MARCHF6: variants seen among roughly 807,000 people sequenced by gnomAD.
MARCHF6 encodes the protein membrane associated ring-CH-type finger 6.
MARCHF6 carries 31 observed loss-of-function variants against 133.7 expected under a neutral mutation model. That is an observed-to-expected ratio of 0.23 (90% CI 0.17 to 0.31). The LOEUF (loss-of-function observed/expected upper bound fraction) is 0.31, where lower values mean the gene tolerates loss of function less well. Among genes scored for constraint, MARCHF6 ranks in the 10% least tolerant of loss-of-function variants. The pLI is 1.00. For missense variants in MARCHF6, 723 were observed against 1,121.6 expected, an observed-to-expected ratio of 0.64 and a Z score of 5.08; for synonymous variants, 395 against 402.5, an observed-to-expected ratio of 0.98 and a Z score of 0.22.
rs1740719124 is a variant in MARCHF6 at position 10,438,122 on chromosome 5, G to T, written c.*4438G>T. 6.6e-6 allele frequency: 1 copy of T among 152,108 alleles called. No individual in the cohort carries two copies. The highest frequency in any genetic ancestry group is 6.5e-5 in the Admixed American group (1 of 15,268). The allele number at this position is 152,108 out of a possible 1,614,324, so 9.4% of individuals were successfully genotyped here. On this transcript the variant is annotated 3_prime_UTR_variant, in exon 26 of 26. Coordinates refer to ENST00000274140, the MANE Select transcript of MARCHF6 (RefSeq NM_005885.4). Reference sequence around the variant, plus strand: ...ACATTTTGTGCAATAGCAAGCTACTGCCCACTTCTGCATGTCTGCTACGAG... The same window carrying T: ...ACATTTTGTGCAATAGCAAGCTACTTCCCACTTCTGCATGTCTGCTACGAG...
At chr5:10,364,749 C>T (rs1736031150) in intron 1 of MARCHF6, among the ~76,000 whole-genome samples, 1 of 152,188 alleles carries the variant, frequency 6.6e-6, no homozygotes, top group Admixed American at 6.5e-5. Context: ...CCATTAGCTG[C>T]AACTGCTGGT....
intron 3 of MARCHF6, 98 bp downstream of exon 3, chr5:10,378,930 G>T (rs937287043): frequency 8.6e-6 from 6 of 697,926 alleles, no homozygotes; most frequent in African/African-American, 7.3e-5. Context: ...GGGGATAAAA[G>T]TGCTTAAGCA....
At position 10,437,035 on chromosome 5, in the gene MARCHF6, C is replaced by T. The variant is rs1740680306; in HGVS notation, c.*3351C>T. The stretch of plus-strand genomic sequence containing the variant: ...AAAATGCCACTATTAAAGTGTAATT[C>T]TTGAATTTAGGTTGAATTGATGACT... On this transcript the variant is annotated 3_prime_UTR_variant, in exon 26 of 26. Coordinates refer to ENST00000274140, the MANE Select transcript of MARCHF6 (RefSeq NM_005885.4). 1 of 152,164 alleles carries T rather than the reference C, an allele frequency of 6.6e-6. No individual in the cohort carries two copies. The highest frequency in any genetic ancestry group is 2.4e-5 in the African/African-American group (1 of 41,436). 9.4% of individuals were successfully genotyped at this position (152,164 alleles called of 1,614,324 possible).
At chr5:10,367,770 TA>T (rs1736221069) in intron 1 of MARCHF6, among the ~76,000 whole-genome samples, 1 of 151,908 alleles carries the variant, frequency 6.6e-6, no homozygotes, top group African/African-American at 2.4e-5. Flanking sequence ...AGCTTTTTTT[TA>T]ATTAAAAAAA....
rs977197207 is a variant in MARCHF6, at chr5:10,438,617, A to G, written c.*4933A>G. 1.3e-5 allele frequency: 2 copies of G among 152,322 alleles called. No individual in the cohort carries two copies. The highest frequency in any genetic ancestry group is 1.9e-4 in the East Asian group (1 of 5,182). 9.4% of individuals were successfully genotyped at this position (152,322 alleles called of 1,614,324 possible). On this transcript the variant is annotated 3_prime_UTR_variant, in exon 26 of 26. Transcript: ENST00000274140. ...GAGGGTAACGTTCCCCTCCTCCTCCATGTTTTTATTTTGGTGTCTGTTTTG... is the reference window on the plus strand; with the variant it reads ...GAGGGTAACGTTCCCCTCCTCCTCCGTGTTTTTATTTTGGTGTCTGTTTTG...
intron 4 of MARCHF6, 28 bp from the exon 5 acceptor site, chr5:10,386,966 T>C (rs768547796): frequency 1.9e-6 from 3 of 1,587,928 alleles, no homozygotes; most frequent in Non-Finnish European, 2.6e-6. Context: ...GAGTTGTGAC[T>C]GTGTGCCATC....
At chr5:10,426,996 T>C (rs2031655801) in intron 24 of MARCHF6, among the ~76,000 whole-genome samples, 1 of 152,250 alleles carries the variant, frequency 6.6e-6, no homozygotes, top group Admixed American at 6.5e-5. Flanking sequence ...AAACCCAACA[T>C]ATTTTCAAAA....
chr5:10,363,250 C>G (rs1314190500), intron 1 of MARCHF6, among the ~76,000 whole-genome samples: 4 of 152,088 alleles, frequency 2.6e-5, no homozygotes, highest in Non-Finnish European at 4.4e-5. Context: ...AGAATGAAGA[C>G]AGGATACAGA....
intron 1 of MARCHF6, among the ~76,000 whole-genome samples, chr5:10,357,380 C>G (rs1554017779): frequency 6.9e-6 from 1 of 145,930 alleles, no homozygotes; most frequent in African/African-American, 2.5e-5. Context: ...TTCCATTTTG[C>G]TAAATTACTG....
intron 1 of MARCHF6, among the ~76,000 whole-genome samples, chr5:10,377,342 A>G (rs1182656530): frequency 6.6e-6 from 1 of 152,114 alleles, no homozygotes; most frequent in East Asian, 1.9e-4. Context: ...GGTGACATGA[A>G]AAGCTTGTCT....
chr5:10,436,782 C>A lies in MARCHF6; in HGVS notation c.*3098C>A, dbSNP rs1266307845. Reference sequence around the variant, plus strand: ...GTGTATAGCTAGCCTTAAAAAACTTCCCATGTTTTTAGGTGACTTTTTTCC... The same window carrying A: ...GTGTATAGCTAGCCTTAAAAAACTTACCATGTTTTTAGGTGACTTTTTTCC... On this transcript the variant is annotated 3_prime_UTR_variant, in exon 26 of 26. Transcript: ENST00000274140. 1.3e-5 allele frequency: 2 copies of A among 152,120 alleles called. No individual in the cohort carries two copies. Among genetic ancestry groups the A allele is most frequent in the Non-Finnish European group, 1.5e-5 (1 of 68,022 alleles). The allele number at this position is 152,120 out of a possible 1,614,324, so 9.4% of individuals were successfully genotyped here. A position where few individuals can be genotyped will look rare whatever the true frequency, so the allele number is the denominator to read the frequency against.
intron 1 of MARCHF6, among the ~76,000 whole-genome samples, chr5:10,376,979 G>C (rs1245747429): frequency 6.6e-6 from 1 of 152,138 alleles, no homozygotes; most frequent in African/African-American, 2.4e-5. Flanking sequence ...AGCTGAGAAC[G>C]GTCTAAAATA....
chr5:10,407,205 A>G lies in MARCHF6; in HGVS notation c.1553+3A>G, dbSNP rs1738953333. ...CCATACAATGTCATGCTCTACAGGT[A>G]AGTTTTAAAAATTTAGAATAGCTTT... is the stretch of plus-strand genomic sequence containing the variant. On this transcript the variant is annotated splice_donor_region_variant and intron_variant, in intron 17 of 25. Transcript: ENST00000274140. 1.3e-6 allele frequency: 2 copies of G among 1,552,912 alleles called. No homozygotes were observed. The highest frequency in any genetic ancestry group is 1.8e-6 in the Non-Finnish European group (2 of 1,131,116).
chr5:10,374,506 T>C (rs1291013862), intron 1 of MARCHF6, among the ~76,000 whole-genome samples: 1 of 152,106 alleles, frequency 6.6e-6, no homozygotes, highest in Non-Finnish European at 1.5e-5. Context: ...GTGGGAATCA[T>C]GGAATGGGAG....
At position 10,354,122 on chromosome 5, in the gene MARCHF6, G is replaced by T. The variant is rs1229806703; in HGVS notation, c.19+205G>T. 1.1e-5 allele frequency: 4 copies of T among 376,810 alleles called. No individual in the cohort carries two copies. The East Asian group carries it at 1.3e-4, about 13-fold the overall frequency. 23.3% of individuals were successfully genotyped at this position (376,810 alleles called of 1,614,324 possible). On this transcript the variant is annotated intron_variant, in intron 1 of 25. Transcript: ENST00000274140. ...CCGTTTCCCGCCCGCGCCGCCGAGG[G>T]GGGCGGGGACCCTGCCGGGCAGGGG...
Position 10,438,927 on chromosome 5 carries a change from AG to A in MARCHF6, c.*5244del, listed in dbSNP as rs1740749733. ...GACCACTCATACGTAAACACTACGT[AG>A]AGGCCCCTTTTTGCCTCATTTTACA... On this transcript the variant is annotated 3_prime_UTR_variant, in exon 26 of 26. Coordinates refer to ENST00000274140, the MANE Select transcript of MARCHF6 (RefSeq NM_005885.4). The A allele has an allele frequency of 2.6e-5, 4 of 152,232 alleles. No homozygotes were observed. The highest frequency in any genetic ancestry group is 1.3e-4 in the Admixed American group (2 of 15,282). The allele number at this position is 152,232 out of a possible 1,614,324, so 9.4% of individuals were successfully genotyped here. A position where few individuals can be genotyped will look rare whatever the true frequency, so the allele number is the denominator to read the frequency against.
At position 10,415,639 on chromosome 5, in the gene MARCHF6, C is replaced by T; in HGVS notation, c.2118C>T (p.Ile706=). The change falls in exon 21 of 26, where the codon ATC becomes ATT. Residue 706 remains isoleucine, a synonymous_variant. Coordinates refer to ENST00000274140, the MANE Select transcript of MARCHF6 (RefSeq NM_005885.4). ...VAWMPQGRRV[I]FQKVKEWSLM... is the part of the protein sequence containing the mutation. ...GGATGCCTCAGGGACGCAGAGTGAT[C>T]TTCCAGAAGGTTAAAGAGTGGTCTC... The T allele has an allele frequency of 6.2e-7, 1 of 1,614,066 alleles. No homozygotes were observed. Among genetic ancestry groups the T allele is most frequent in the Non-Finnish European group, 8.5e-7 (1 of 1,180,002 alleles).
At chr5:10,358,684 A>G (rs1288570016) in intron 1 of MARCHF6, among the ~76,000 whole-genome samples, 1 of 152,206 alleles carries the variant, frequency 6.6e-6, no homozygotes, top group Non-Finnish European at 1.5e-5. Flanking sequence ...TATATTGAAA[A>G]AAATTTTGGA....
At chr5:10,422,762 G>T (rs1234800321) in intron 22 of MARCHF6, among the ~76,000 whole-genome samples, 1 of 142,986 alleles carries the variant, frequency 7.0e-6, no homozygotes, top group East Asian at 1.9e-4. Context: ...GTGAAGAGGA[G>T]AATTAACAAT....
Sources: allele counts gnomAD v4.1 joint callset (sites outside exome capture counted in the v4.1 genomes callset), GRCh38; gene constraint gnomAD v4.1.1; transcripts MANE v1.5; gene names NCBI Gene and HGNC (gene_info 2026-07-23, HGNC 2026-07-21).